PKD1L1: variants seen among roughly 807,000 people sequenced by gnomAD.
PKD1L1 encodes polycystin-1-like protein 1.
In PKD1L1, 236 loss-of-function variants were observed where a neutral mutation model predicts 323.4. That is an observed-to-expected ratio of 0.73 (90% confidence interval 0.66 to 0.81). The LOEUF (loss-of-function observed/expected upper bound fraction) is 0.81, where lower values mean the gene tolerates loss of function less well. Among genes scored for constraint, PKD1L1 ranks in the 40% least tolerant of loss-of-function variants. The probability of loss-of-function intolerance (pLI) is 0.00; values close to 1 mark genes in which losing one functional copy is unlikely to be tolerated. For missense variants in PKD1L1, 3,320 were observed against 3,508.0 expected, an observed-to-expected ratio of 0.95 and a Z score of 1.35; for synonymous variants, 1,344 against 1,335.0, an observed-to-expected ratio of 1.01 and a Z score of -0.15.
chr7:47,831,703 A>C (rs941205984), intron 41 of PKD1L1, among the ~76,000 whole-genome samples: 6 of 152,292 alleles, frequency 3.9e-5, no homozygotes, highest in Middle Eastern at 3.4e-3. Flanking sequence ...GGGGGTGGTG[A>C]GCAGCAACTC....
chr7:47,920,289 A>T (rs981548305), intron 7 of PKD1L1, among the ~76,000 whole-genome samples: 2 of 98,904 alleles, frequency 2.0e-5, no homozygotes, highest in Non-Finnish European at 4.0e-5. Flanking sequence ...CAAAACAAAC[A>T]AACAAAAACA....
chr7:47,921,912 C>CCCCTCT (rs1284952421), intron 7 of PKD1L1, among the ~76,000 whole-genome samples: 2 of 150,844 alleles, frequency 1.3e-5, no homozygotes, highest in African/African-American at 2.4e-5. Context: ...CTTCCCTTTC[C>CCCCTCT]CCCTCTCCCT....
At chr7:47,924,480 C>T (rs1302959062) in intron 7 of PKD1L1, among the ~76,000 whole-genome samples, 1 of 152,162 alleles carries the variant, frequency 6.6e-6, no homozygotes, top group Non-Finnish European at 1.5e-5. Context: ...GGGAAAGTTA[C>T]ACATTTTGCA....
intron 8 of PKD1L1, among the ~76,000 whole-genome samples, chr7:47,913,530 G>T (rs1787366586): frequency 6.6e-6 from 1 of 152,112 alleles, no homozygotes; most frequent in South Asian, 2.1e-4. Flanking sequence ...CCCAATCCCT[G>T]CCACTTGGTA....
In PKD1L1 at chr7:47,884,585, G is replaced by C; in HGVS notation, c.3265+13C>G. ...TGAGTGGAGAGAGGCAGCAGGCATA[G>C]AAGCACAGTCACCTGGCTGTCTTCC... On this transcript the variant is annotated intron_variant, in intron 19 of 56. Coordinates refer to ENST00000289672, the MANE Select transcript of PKD1L1 (RefSeq NM_138295.5). 1 of 1,612,600 alleles carries C rather than the reference G, an allele frequency of 6.2e-7. No individual in the cohort carries two copies. The highest frequency in any genetic ancestry group is 8.5e-7 in the Non-Finnish European group (1 of 1,178,634).
In PKD1L1 at chr7:47,898,127, T is replaced by C; in HGVS notation, c.2132A>G (p.Gln711Arg). Residue 711 changes from glutamine (Q) to arginine (R), a missense_variant, in exon 14 of 57, where the codon CAA becomes CGA. Physicochemically the swap from Gln to Arg is conservative, Grantham distance 43 (BLOSUM62 1). Transcript: ENST00000289672. Reference sequence around the variant, plus strand: ...CAAGTTCCAGGTGTAAGAAAGACCTTGGGAAATATCACAGAAGACTGCAGC... The same window carrying C: ...CAAGTTCCAGGTGTAAGAAAGACCTCGGGAAATATCACAGAAGACTGCAGC... The part of the protein sequence containing the change: ...FEAAVFCDIS[Q>R]GLSYTWNLMD... The C allele has an allele frequency of 6.2e-7, 1 of 1,614,126 alleles. No homozygotes were observed. Among genetic ancestry groups the C allele is most frequent in the Non-Finnish European group, 8.5e-7 (1 of 1,180,024 alleles).
the PKD1L1 span, among the ~76,000 whole-genome samples, chr7:47,960,397 G>GAAA: frequency 1.7e-5 from 1 of 58,340 alleles, no homozygotes; most frequent in Non-Finnish European, 3.9e-5. Context: ...AAAAAAAACT[G>GAAA]TAAAAAAGAA....
chr7:47,920,680 G>A (rs190208751), intron 7 of PKD1L1, among the ~76,000 whole-genome samples: 4 of 152,170 alleles, frequency 2.6e-5, no homozygotes, highest in Non-Finnish European at 5.9e-5. Context: ...CATGGGACTG[G>A]TATAAAAATA....
At chr7:47,909,300 G>T (rs35389440) in intron 8 of PKD1L1, among the ~76,000 whole-genome samples, 2 of 152,150 alleles carry the variant, frequency 1.3e-5, no homozygotes, top group South Asian at 4.2e-4. Context: ...CCTCTCAGCT[G>T]AGCTGGTTCC....
At chr7:47,942,454 C>A (rs942284770) in intron 2 of PKD1L1, among the ~76,000 whole-genome samples, 61 of 152,096 alleles carry the variant, frequency 4.0e-4, no homozygotes, top group Non-Finnish European at 1.8e-4. Flanking sequence ...CCCGCCCCCC[C>A]ACTCCATTTA....
intron 40 of PKD1L1, 38 bp from the exon 41 acceptor site, chr7:47,833,290 C>T: frequency 6.3e-7 from 1 of 1,597,574 alleles, no homozygotes; most frequent in Non-Finnish European, 8.5e-7. Flanking sequence ...AATATCTCCA[C>T]AGACAGGGCT....
chr7:47,811,816 C>T lies in PKD1L1; in HGVS notation c.7581+1G>A, dbSNP rs1351248336. 2 of 1,596,628 alleles carry T rather than the reference C, an allele frequency of 1.3e-6. No homozygotes were observed. Among genetic ancestry groups the T allele is most frequent in the South Asian group, 1.1e-5 (1 of 87,752 alleles). Reference sequence around the variant, plus strand: ...GAGGCCCAAGAGGCAGGTCAGCTCACCTGGGGAAGCATGAGGTGGTACTGC... The same window carrying T: ...GAGGCCCAAGAGGCAGGTCAGCTCATCTGGGGAAGCATGAGGTGGTACTGC... On this transcript the variant is annotated splice_donor_variant, in intron 50 of 56. Transcript: ENST00000289672. LOFTEE classifies it high-confidence loss of function.
chr7:47,922,805 C>T (rs905354385), intron 7 of PKD1L1, among the ~76,000 whole-genome samples: 45 of 152,244 alleles, frequency 3.0e-4, no homozygotes, highest in African/African-American at 1.1e-3. Flanking sequence ...TGGGGAGCCC[C>T]TCTGCCCGGC....
In PKD1L1 at chr7:47,801,572, C is replaced by T. The variant is rs116673660; in HGVS notation, c.7963-693G>A. ...CTGTGGACGGGCCTACAGAGAGGCC[C>T]TACCTAGCTGCAGCTATAGTCATGG... On this transcript the variant is annotated intron_variant, in intron 53 of 56. Coordinates refer to ENST00000289672, the MANE Select transcript of PKD1L1 (RefSeq NM_138295.5). 8.8e-3 allele frequency among the ~76,000 whole-genome samples: 1,343 copies of T among 152,238 alleles called. 11 individuals are homozygous for T. The highest frequency in any genetic ancestry group is 0.03 in the African/African-American group (1,263 of 41,556).
chr7:47,825,685 C>A (rs1188202997), intron 45 of PKD1L1, among the ~76,000 whole-genome samples: 2 of 151,562 alleles, frequency 1.3e-5, no homozygotes, highest in Admixed American at 1.3e-4. Flanking sequence ...TTTATTTTCC[C>A]TTTTTGTGTC....
At chr7:47,825,213 C>CA (rs1554398727) in intron 45 of PKD1L1, among the ~76,000 whole-genome samples, 2 of 150,332 alleles carry the variant, frequency 1.3e-5, no homozygotes, top group Non-Finnish European at 3.0e-5. Flanking sequence ...TTCCAGTCCA[C>CA]TTTTTTTTTG....
chr7:47,879,176 G>T (rs1400588855), intron 21 of PKD1L1, among the ~76,000 whole-genome samples: 4 of 152,186 alleles, frequency 2.6e-5, no homozygotes, highest in African/African-American at 9.6e-5. Context: ...GACCCTCAGG[G>T]ATCTCATTGA....
chr7:47,871,900 A>T (rs1056435730), intron 24 of PKD1L1, among the ~76,000 whole-genome samples: 2 of 152,188 alleles, frequency 1.3e-5, no homozygotes, highest in African/African-American at 4.8e-5. Context: ...ACTTCTGTTC[A>T]GCGTTGAATG....
At chr7:47,800,919 T>C (rs779367655) in intron 53 of PKD1L1, 40 bp from the exon 54 acceptor site, 3 of 1,544,604 alleles carry the variant, frequency 1.9e-6, no homozygotes, top group Non-Finnish European at 2.7e-6. Context: ...CCTTGTCACC[T>C]CTTCTTAGGA....
Sources: allele counts gnomAD v4.1 joint callset (sites outside exome capture counted in the v4.1 genomes callset), GRCh38; gene constraint gnomAD v4.1.1; transcripts MANE v1.5; gene names NCBI Gene and HGNC (gene_info 2026-07-23, HGNC 2026-07-21).